The following CDCP1 variants were observed in gnomAD, a reference collection of about 807,000 sequenced individuals.
The protein encoded by CDCP1 is CUB domain-containing protein 1.
CDCP1 carries 29 observed loss-of-function variants against 60.2 expected under a neutral mutation model. The ratio of observed to expected loss-of-function variants is 0.48; its 90% CI spans 0.36 to 0.66. The LOEUF is 0.66. Ranked by LOEUF, CDCP1 falls within the 30% of genes least tolerant of loss-of-function variation. The pLI is 0.00. For synonymous variants in CDCP1, 387 were observed against 431.1 expected (o/e 0.90, Z 1.27); for missense variants, 876 against 1,074.3 (o/e 0.82, Z 2.58).
At chr3:45,088,328 CA>C (rs1179597746) in intron 8 of CDCP1, among the ~76,000 whole-genome samples, 1 of 147,820 alleles carries the variant, frequency 6.8e-6, no homozygotes, top group Non-Finnish European at 1.5e-5. Flanking sequence ...CAAAAAAATA[CA>C]AAAAAAATTA....
intron 1 of CDCP1, among the ~76,000 whole-genome samples, chr3:45,124,643 T>G (rs1698945654): frequency 1.3e-5 from 2 of 152,140 alleles, no homozygotes; most frequent in Non-Finnish European, 1.5e-5. Flanking sequence ...AGACCAACAT[T>G]CCATTCTCAA....
intron 4 of CDCP1, among the ~76,000 whole-genome samples, chr3:45,103,547 C>T (rs1698518390): frequency 6.6e-6 from 1 of 152,178 alleles, no homozygotes; most frequent in African/African-American, 2.4e-5. Context: ...TGTCCCCACC[C>T]AAATTCATAT....
At chr3:45,104,612 A>C (rs945311521) in intron 4 of CDCP1, among the ~76,000 whole-genome samples, 2 of 152,170 alleles carry the variant, frequency 1.3e-5, no homozygotes, top group Non-Finnish European at 2.9e-5. Flanking sequence ...GGGAAGGAGG[A>C]ATGACTATTG....
At chr3:45,114,251 A>G (rs772844536) in intron 2 of CDCP1, among the ~76,000 whole-genome samples, 2 of 152,228 alleles carry the variant, frequency 1.3e-5, no homozygotes, top group Non-Finnish European at 2.9e-5. Flanking sequence ...AGGTAAGAGT[A>G]GTCAAAATGA....
intron 4 of CDCP1, among the ~76,000 whole-genome samples, chr3:45,109,870 C>G (rs777661178): frequency 2.0e-5 from 3 of 152,172 alleles, no homozygotes; most frequent in Non-Finnish European, 4.4e-5. Flanking sequence ...ATCATCCTAA[C>G]TGGGCTTCAG....
At chr3:45,119,995 G>A (rs78433190) in intron 1 of CDCP1, among the ~76,000 whole-genome samples, 1,698 of 152,310 alleles carry the variant, frequency 0.011, 20 homozygotes, top group Non-Finnish European at 0.018. Flanking sequence ...ATTCACCCAC[G>A]CTGCTGCATG....
chr3:45,118,508 T>C lies in CDCP1; in HGVS notation c.196A>G (p.Thr66Ala), dbSNP rs201301385. 36 of 1,614,146 alleles carry C rather than the reference T, an allele frequency of 2.2e-5. No homozygotes were observed. The highest frequency in any genetic ancestry group is 2.2e-5 in the Non-Finnish European group (26 of 1,179,988). Reference sequence around the variant, plus strand: ...TCTCCAGACTTGATGGACAACATGGTTATATGTCTTTTAGAAATGACGATG... The same window carrying C: ...TCTCCAGACTTGATGGACAACATGGCTATATGTCTTTTAGAAATGACGATG... ...CYIVISKRHI[T>A]MLSIKSGERI... Residue 66 changes from threonine (T) to alanine (A), a missense_variant, in exon 2 of 9, where the codon ACC (threonine) becomes GCC (alanine). By Grantham distance (58) the Thr-to-Ala change is moderately conservative. Transcript: ENST00000296129.
intron 1 of CDCP1, among the ~76,000 whole-genome samples, chr3:45,140,940 C>T (rs1348206649): frequency 2.6e-5 from 4 of 152,184 alleles, no homozygotes; most frequent in African/African-American, 9.7e-5. Context: ...GTGGCTCACG[C>T]CTATAATTCC....
At chr3:45,134,873 G>A (rs1224542540) in intron 1 of CDCP1, among the ~76,000 whole-genome samples, 2 of 152,196 alleles carry the variant, frequency 1.3e-5, no homozygotes, top group African/African-American at 4.8e-5. Flanking sequence ...GTCCATTACA[G>A]ACAGCTCTCC....
rs376586416 is a variant in CDCP1 at position 45,115,715 on chromosome 3, T to C, written c.292+2697A>G. ...ACTTAGTATTTCTTTTTTTTTTAAATTTTTTTAAGACAAATTCTCACTCTG... is the reference window on the plus strand; with the variant it reads ...ACTTAGTATTTCTTTTTTTTTTAAACTTTTTTAAGACAAATTCTCACTCTG... On this transcript the variant is annotated intron_variant, in intron 2 of 8. Coordinates refer to ENST00000296129, the MANE Select transcript of CDCP1 (RefSeq NM_022842.5). 2.5e-4 allele frequency among the ~76,000 whole-genome samples: 38 copies of C among 152,078 alleles called. No individual in the cohort carries two copies. In the South Asian group the frequency reaches 5.4e-3, roughly 22 times the overall value.
chr3:45,098,080 T>C (rs1698431579), intron 4 of CDCP1, among the ~76,000 whole-genome samples: 1 of 151,972 alleles, frequency 6.6e-6, no homozygotes, highest in African/African-American at 2.4e-5. Context: ...CCTGCTTACC[T>C]TTACCAAGGC....
intron 4 of CDCP1, among the ~76,000 whole-genome samples, chr3:45,109,141 G>A (rs906850080): frequency 2.0e-5 from 3 of 151,212 alleles, no homozygotes; most frequent in East Asian, 1.9e-4. Flanking sequence ...GTAGGACGGG[G>A]TTTTGCCACG....
At position 45,093,157 on chromosome 3, in the gene CDCP1, A is replaced by T. The variant is rs1576078967; in HGVS notation, c.1627+120T>A. On this transcript the variant is annotated intron_variant, in intron 6 of 8. Coordinates refer to ENST00000296129, the MANE Select transcript of CDCP1 (RefSeq NM_022842.5). ...TATCTTTCAAATTTCTTGTGCAAGG[A>T]CCAGCATATTGAGCTATCCCTTCTT... 5.3e-6 allele frequency: 6 copies of T among 1,123,138 alleles called. No homozygotes were observed. In the East Asian group the frequency reaches 1.4e-4, roughly 27 times the overall value. 69.6% of individuals were successfully genotyped at this position (1,123,138 alleles called of 1,614,324 possible). A position where few individuals can be genotyped will look rare whatever the true frequency, so the allele number is the denominator to read the frequency against.
intron 4 of CDCP1, among the ~76,000 whole-genome samples, chr3:45,108,691 ATG>A (rs1698614380): frequency 2.7e-5 from 4 of 148,360 alleles, no homozygotes; most frequent in African/African-American, 9.9e-5. Flanking sequence ...CTATATATAT[ATG>A]TGCATGTATA....
Position 45,093,258 on chromosome 3 carries a change from T to TA in CDCP1, c.1627+18dup. The TA allele has an allele frequency of 1.2e-6, 2 of 1,607,622 alleles. No homozygotes were observed. Among genetic ancestry groups the TA allele is most frequent in the South Asian group, 2.2e-5 (2 of 90,932 alleles). On this transcript the variant is annotated intron_variant, in intron 6 of 8. Transcript: ENST00000296129. ...CGCTTAAACTAAAGGGGCATGGAGA[T>TA]AGGGGAGACCCCCCTTACCTTTGAA...
chr3:45,112,470 T>A (rs1408124629), intron 2 of CDCP1, 25 bp from the exon 3 acceptor site: 1 of 1,602,066 alleles, frequency 6.2e-7, no homozygotes, highest in Admixed American at 1.7e-5. Context: ...CAGAAGCAAT[T>A]TTGATCACAG....
Position 45,144,310 on chromosome 3 carries a change from C to T in CDCP1, c.82+1896G>A, listed in dbSNP as rs149457819. On this transcript the variant is annotated intron_variant, in intron 1 of 8. Coordinates refer to ENST00000296129, the MANE Select transcript of CDCP1 (RefSeq NM_022842.5). ...TCTGGCTTTCTGTATCCTTTCAGGA[C>T]AGTCTCCAGGAATTTCTCAAAGGCC... Among the ~76,000 whole-genome samples, 9 of 152,292 alleles carry T rather than the reference C, an allele frequency of 5.9e-5. No homozygotes were observed. The East Asian group carries it at 1.7e-3, about 29-fold the overall frequency.
At chr3:45,107,213 CT>C (rs546623663) in intron 4 of CDCP1, among the ~76,000 whole-genome samples, 80 of 147,224 alleles carry the variant, frequency 5.4e-4, no homozygotes, top group African/African-American at 6.2e-4. Context: ...TCCTTTCTTT[CT>C]TTTTTTTTTT....
intron 4 of CDCP1, among the ~76,000 whole-genome samples, chr3:45,106,681 C>T (rs1260968023): frequency 6.6e-6 from 1 of 152,142 alleles, no homozygotes; most frequent in Non-Finnish European, 1.5e-5. Context: ...TGCAAACCAC[C>T]CACAAGTGCA....
Sources: allele counts gnomAD v4.1 joint callset (sites outside exome capture counted in the v4.1 genomes callset), GRCh38; gene constraint gnomAD v4.1.1; transcripts MANE v1.5; gene names NCBI Gene and HGNC (gene_info 2026-07-23, HGNC 2026-07-21).